The following ZNF486 variants were observed in gnomAD, a reference collection of about 807,000 sequenced individuals.
ZNF486 encodes the protein zinc finger protein 486.
In ZNF486, 12 loss-of-function variants were observed where a neutral mutation model predicts 12.8. The observed-to-expected ratio is 0.94, with a 90% CI of 0.60 to 1.52. The LOEUF (loss-of-function observed/expected upper bound fraction) is 1.52, where lower values mean the gene tolerates loss of function less well. Ranked by LOEUF, ZNF486 falls within the 40% of genes most tolerant of loss-of-function variation. The pLI, the probability that ZNF486 is intolerant of heterozygous loss-of-function variation, is 0.00. For missense variants in ZNF486, 738 were observed against 545.0 expected, an observed-to-expected ratio of 1.35 and a Z score of -3.53; for synonymous variants, 231 against 184.9, an observed-to-expected ratio of 1.25 and a Z score of -2.02.
At chr19:20,182,943 G>A (rs1555715804) in intron 1 of ZNF486, among the ~76,000 whole-genome samples, 1 of 152,162 alleles carries the variant, frequency 6.6e-6, no homozygotes, top group Non-Finnish European at 1.5e-5. Context: ...ACGTGTCTCA[G>A]ATGAAGAGCT....
At chr19:20,186,138 C>A in intron 3 of ZNF486, 56 bp downstream of exon 3, 2 of 1,373,174 alleles carry the variant, frequency 1.5e-6, no homozygotes, top group Non-Finnish European at 9.8e-7. Flanking sequence ...GTCCCAAGGT[C>A]AAAAAGAAAG....
intron 1 of ZNF486, 21 bp downstream of exon 1, chr19:20,167,381 T>A: frequency 6.2e-7 from 1 of 1,612,154 alleles, no homozygotes; most frequent in Non-Finnish European, 8.5e-7. Context: ...CCATTGGACA[T>A]CCTGAGAGAG....
intron 1 of ZNF486, among the ~76,000 whole-genome samples, chr19:20,169,669 G>C (rs1324389932): frequency 6.6e-6 from 1 of 151,960 alleles, no homozygotes; most frequent in Non-Finnish European, 1.5e-5. Flanking sequence ...AAATGAATTA[G>C]TATTGGAACA....
intron 3 of ZNF486, among the ~76,000 whole-genome samples, chr19:20,193,826 G>T (rs1477107413): frequency 6.7e-6 from 1 of 149,578 alleles, no homozygotes; most frequent in Non-Finnish European, 1.5e-5. Flanking sequence ...TTAATTTTTT[G>T]TATTGATATG....
chr19:20,197,569 A>G lies in ZNF486; in HGVS notation c.859A>G (p.Ile287Val). 6.2e-7 allele frequency: 1 copy of G among 1,613,732 alleles called. No homozygotes were observed. Among genetic ancestry groups the G allele is most frequent in the African/African-American group, 1.3e-5 (1 of 75,016 alleles). The change falls in exon 4 of 4, where the codon ATC becomes GTC. Residue 287 changes from isoleucine (I) to valine (V), a missense_variant. By Grantham distance (29) the Ile-to-Val change is conservative. Transcript: ENST00000335117. ...YPYTLTTHKI[I>V]HTGEQPYKCK... ...CTATACCCTTACTACACATAAGATA[A>G]TCCATACTGGAGAGCAACCCTACAA... is the stretch of plus-strand genomic sequence containing the variant.
At chr19:20,192,237 G>A (rs2122676351) in intron 3 of ZNF486, among the ~76,000 whole-genome samples, 1 of 152,054 alleles carries the variant, frequency 6.6e-6, no homozygotes, top group South Asian at 2.1e-4. Context: ...TGAGTCTCTT[G>A]TAGGCAGCAT....
chr19:20,181,690 A>G (rs2089789192), intron 1 of ZNF486, among the ~76,000 whole-genome samples: 1 of 152,148 alleles, frequency 6.6e-6, no homozygotes, highest in South Asian at 2.1e-4. Context: ...AAGTCACAGA[A>G]AAGTAAATAT....
rs782278729 is a variant in ZNF486 at position 20,197,422 on chromosome 19, T to C, written c.712T>C (p.Tyr238His). Residue 238 changes from tyrosine (Y) to histidine (H), a missense_variant, in exon 4 of 4, where the codon TAC (tyrosine) becomes CAC (histidine). Tyr to His is a moderately conservative substitution (Grantham distance 83). Coordinates refer to ENST00000335117, the MANE Select transcript of ZNF486 (RefSeq NM_052852.4). Reference sequence around the variant, plus strand: ...GATAACTCATACTAGAGAGAAACCCTACAAATGTGAAGAATGTGGCAAAGT... The same window carrying C: ...GATAACTCATACTAGAGAGAAACCCCACAAATGTGAAGAATGTGGCAAAGT... ...HKITHTREKP[Y>H]KCEECGKVFK... The C allele has an allele frequency of 6.2e-7, 1 of 1,613,796 alleles. No individual in the cohort carries two copies.
chr19:20,191,462 CAAA>C (rs35968267), intron 3 of ZNF486, among the ~76,000 whole-genome samples: 1 of 97,374 alleles, frequency 1.0e-5, no homozygotes, highest in African/African-American at 3.5e-5. Context: ...GAGATTCCTT[CAAA>C]AAAAAAAAAA....
chr19:20,187,469 C>A (rs574894727), intron 3 of ZNF486, among the ~76,000 whole-genome samples: 20 of 149,910 alleles, frequency 1.3e-4, no homozygotes, highest in African/African-American at 3.4e-4. Context: ...TGTATTGGTG[C>A]CTAAATTTGA....
intron 1 of ZNF486, among the ~76,000 whole-genome samples, chr19:20,167,629 C>T (rs1343919602): frequency 1.3e-5 from 2 of 152,220 alleles, no homozygotes. Flanking sequence ...CTTCGGGTCT[C>T]TCCCAGATGG....
rs111492207 is a variant in ZNF486 at position 20,199,324 on chromosome 19, C to T, written c.*1222C>T. The T allele has an allele frequency of 6.6e-6, 1 of 152,148 alleles. No individual in the cohort carries two copies. The highest frequency in any genetic ancestry group is 2.1e-4 in the South Asian group (1 of 4,838). The allele number at this position is 152,148 out of a possible 1,614,324, so 9.4% of individuals were successfully genotyped here. On this transcript the variant is annotated 3_prime_UTR_variant, in exon 4 of 4. Coordinates refer to ENST00000335117, the MANE Select transcript of ZNF486 (RefSeq NM_052852.4). ...CTTGTATTACAGATCTTATTGCCCGCGTTTTGTATTAGAAGGAAACCCTAA... is the reference window on the plus strand; with the variant it reads ...CTTGTATTACAGATCTTATTGCCCGTGTTTTGTATTAGAAGGAAACCCTAA...
Position 20,187,568 on chromosome 19 carries a change from C to G in ZNF486, c.253+1486C>G, listed in dbSNP as rs1172455749. Among the ~76,000 whole-genome samples, 4 of 143,470 alleles carry G rather than the reference C, an allele frequency of 2.8e-5. No individual in the cohort carries two copies. The East Asian group carries it at 6.1e-4, about 22-fold the overall frequency. The allele number at this position is 143,470 out of a possible 152,430, so 94.1% of individuals were successfully genotyped here. A position where few individuals can be genotyped will look rare whatever the true frequency, so the allele number is the denominator to read the frequency against. On this transcript the variant is annotated intron_variant, in intron 3 of 3. Transcript: ENST00000335117. Reference sequence around the variant, plus strand: ...CCAGGCTGCAGTGCAGTGGTGCAGTCTCAGCTCACTGCAACCTCCACCTCC... The same window carrying G: ...CCAGGCTGCAGTGCAGTGGTGCAGTGTCAGCTCACTGCAACCTCCACCTCC...
Position 20,198,114 on chromosome 19 carries a change from T to TTTA in ZNF486, c.*24_*26dup, listed in dbSNP as rs782766040. Reference sequence around the variant, plus strand: ...AACCAAGAACGTGACAAAGGATTATTTTATTATTATTATTTTTTTGAGAGG... The same window carrying TTTA: ...AACCAAGAACGTGACAAAGGATTATTTTATTATTATTATTATTTTTTTGAGAGG... On this transcript the variant is annotated 3_prime_UTR_variant, in exon 4 of 4. Coordinates refer to ENST00000335117, the MANE Select transcript of ZNF486 (RefSeq NM_052852.4). The TTTA allele has an allele frequency of 3.3e-6, 5 of 1,526,560 alleles. No individual in the cohort carries two copies. The Admixed American group carries it at 9.0e-5, about 27-fold the overall frequency. 94.6% of individuals were successfully genotyped at this position (1,526,560 alleles called of 1,614,324 possible). A position where few individuals can be genotyped will look rare whatever the true frequency, so the allele number is the denominator to read the frequency against.
chr19:20,186,533 T>G (rs1183364838), intron 3 of ZNF486, among the ~76,000 whole-genome samples: 1 of 152,208 alleles, frequency 6.6e-6, no homozygotes, highest in South Asian at 2.1e-4. Context: ...CATTCTGTTT[T>G]TATTACTATA....
rs1021143883 is a variant in ZNF486 at position 20,198,197 on chromosome 19, A to G, written c.*95A>G. The stretch of plus-strand genomic sequence containing the variant: ...AATGGCATAATTTTGGCTCACCACA[A>G]CCTCCACCTTCTGGGTTCAAGTAAC... On this transcript the variant is annotated 3_prime_UTR_variant, in exon 4 of 4. Transcript: ENST00000335117. The G allele has an allele frequency of 2.8e-6, 3 of 1,067,660 alleles. No individual in the cohort carries two copies. Among genetic ancestry groups the G allele is most frequent in the Non-Finnish European group, 4.0e-6 (3 of 748,422 alleles). The allele number at this position is 1,067,660 out of a possible 1,614,324, so 66.1% of individuals were successfully genotyped here.
intron 1 of ZNF486, among the ~76,000 whole-genome samples, chr19:20,180,864 T>C (rs1310572717): frequency 6.6e-6 from 1 of 152,230 alleles, no homozygotes. Context: ...AGTGTACATA[T>C]TGATTTTCTA....
intron 1 of ZNF486, among the ~76,000 whole-genome samples, chr19:20,179,260 ATATC>A (rs200432485): frequency 6.7e-6 from 1 of 148,494 alleles, no homozygotes; most frequent in Non-Finnish European, 1.5e-5. Flanking sequence ...ATAATGATAG[ATATC>A]TAATCAATAA....
chr19:20,196,077 G>A (rs1041070302), intron 3 of ZNF486, among the ~76,000 whole-genome samples: 10 of 152,164 alleles, frequency 6.6e-5, no homozygotes, highest in African/African-American at 2.2e-4. Flanking sequence ...CAAGTGCAGT[G>A]GCATGATCTT....
Sources: allele counts gnomAD v4.1 joint callset (sites outside exome capture counted in the v4.1 genomes callset), GRCh38; gene constraint gnomAD v4.1.1; transcripts MANE v1.5; gene names NCBI Gene and HGNC (gene_info 2026-07-23, HGNC 2026-07-21).